NKAIN2: variants seen among roughly 807,000 people sequenced by gnomAD.
NKAIN2 encodes sodium/potassium transporting ATPase interacting 2.
A neutral mutation model predicts 32.6 loss-of-function variants in NKAIN2; 14 were observed. The observed-to-expected ratio is 0.43, with a 90% confidence interval of 0.28 to 0.67. The LOEUF (loss-of-function observed/expected upper bound fraction) is 0.67. Among genes scored for constraint, NKAIN2 ranks in the 30% least tolerant of loss-of-function variants. The pLI, the probability that NKAIN2 is intolerant of heterozygous loss-of-function variation, is 0.17. For synonymous variants in NKAIN2, 80 were observed against 87.2 expected (o/e 0.92, Z 0.46); for missense variants, 198 against 258.3 (o/e 0.77, Z 1.60).
intron 1 of NKAIN2, among the ~76,000 whole-genome samples, chr6:123,897,200 T>G (rs1479500263): frequency 6.6e-6 from 1 of 152,180 alleles, no homozygotes; most frequent in African/African-American, 2.4e-5. Context: ...AATTCTTCAG[T>G]GATCCCCATA....
chr6:124,541,570 C>G (rs1779913858), intron 3 of NKAIN2, among the ~76,000 whole-genome samples: 1 of 152,136 alleles, frequency 6.6e-6, no homozygotes, highest in Non-Finnish European at 1.5e-5. Context: ...GGTGTTAGAG[C>G]ATTGGCAAAT....
At chr6:124,722,487 T>G (rs1472358781) in intron 4 of NKAIN2, among the ~76,000 whole-genome samples, 1 of 152,162 alleles carries the variant, frequency 6.6e-6, no homozygotes, top group African/African-American at 2.4e-5. Context: ...GGGAATAGTT[T>G]GGGGATGCAA....
chr6:124,221,741 C>G (rs1379855439), intron 1 of NKAIN2, among the ~76,000 whole-genome samples: 1 of 152,026 alleles, frequency 6.6e-6, no homozygotes, highest in Non-Finnish European at 1.5e-5. Context: ...AATCATGCTT[C>G]CAACCTTATC....
At position 124,004,900 on chromosome 6, in the gene NKAIN2, TAA is replaced by T. The variant is rs61291413; in HGVS notation, c.54+200658_54+200659del. ...TAATAATAACAACAAAAAAAGAAAG[TAA>T]AAAAAAAAAAAGAATCTTCAGGTAA... On this transcript the variant is annotated intron_variant, in intron 1 of 6. Coordinates refer to ENST00000368417, the MANE Select transcript of NKAIN2 (RefSeq NM_001040214.3). 9.1e-4 allele frequency among the ~76,000 whole-genome samples: 126 copies of T among 138,548 alleles called. 1 individual carries two copies. The highest frequency in any genetic ancestry group is 2.2e-3 in the African/African-American group (84 of 38,534). The allele number at this position is 138,548 out of a possible 152,430, so 90.9% of individuals were successfully genotyped here. A position where few individuals can be genotyped will look rare whatever the true frequency, so the allele number is the denominator to read the frequency against.
At chr6:124,511,391 A>G (rs982092235) in intron 3 of NKAIN2, among the ~76,000 whole-genome samples, 1 of 152,208 alleles carries the variant, frequency 6.6e-6, no homozygotes, top group Non-Finnish European at 1.5e-5. Context: ...TTCTTCAAAT[A>G]GGAGAAGAAA....
intron 3 of NKAIN2, among the ~76,000 whole-genome samples, chr6:124,521,699 T>C (rs538502505): frequency 6.6e-6 from 1 of 152,282 alleles, no homozygotes; most frequent in East Asian, 1.9e-4. Flanking sequence ...ATGGTATGAG[T>C]TTACTCTTAT....
chr6:124,815,857 C>T (rs931244369), intron 5 of NKAIN2, among the ~76,000 whole-genome samples: 1 of 152,094 alleles, frequency 6.6e-6, no homozygotes, highest in African/African-American at 2.4e-5. Context: ...TCTTCTTTTA[C>T]ACCATATGTC....
At position 123,989,244 on chromosome 6, in the gene NKAIN2, G is replaced by A. The variant is rs762328783; in HGVS notation, c.54+184990G>A. On this transcript the variant is annotated intron_variant, in intron 1 of 6. Transcript: ENST00000368417. ...GGTAACAGATCCATTTTCAAATCAGGTGGTTTACAATTCTCTACTTTAAGC... is the reference window on the plus strand; with the variant it reads ...GGTAACAGATCCATTTTCAAATCAGATGGTTTACAATTCTCTACTTTAAGC... Among the ~76,000 whole-genome samples the A allele has an allele frequency of 6.4e-4, 97 of 152,112 alleles. 1 individual carries two copies. The highest frequency in any genetic ancestry group is 2.1e-3 in the South Asian group (10 of 4,830).
intron 3 of NKAIN2, among the ~76,000 whole-genome samples, chr6:124,519,146 C>T (rs184140393): frequency 2.0e-5 from 3 of 152,184 alleles, no homozygotes; most frequent in East Asian, 3.9e-4. Context: ...TCAGGAAACT[C>T]GTTCCATTTC....
chr6:124,624,729 G>C (rs565046058), intron 3 of NKAIN2, among the ~76,000 whole-genome samples: 1 of 152,220 alleles, frequency 6.6e-6, no homozygotes, highest in African/African-American at 2.4e-5. Context: ...AGAAGTTTAA[G>C]AACAAGATTA....
chr6:124,641,551 T>A (rs1783991000), intron 3 of NKAIN2, among the ~76,000 whole-genome samples: 1 of 113,386 alleles, frequency 8.8e-6, no homozygotes, highest in Non-Finnish European at 1.8e-5. Flanking sequence ...TTTTTTTTTT[T>A]TTTTTTTTTT....
intron 1 of NKAIN2, among the ~76,000 whole-genome samples, chr6:124,267,860 A>G (rs1427501008): frequency 6.6e-6 from 1 of 152,128 alleles, no homozygotes; most frequent in African/African-American, 2.4e-5. Context: ...TTGTCTATGA[A>G]TTTTTATGTG....
At chr6:124,048,066 G>A (rs1355643319) in intron 1 of NKAIN2, among the ~76,000 whole-genome samples, 2 of 151,868 alleles carry the variant, frequency 1.3e-5, no homozygotes, top group Non-Finnish European at 2.9e-5. Context: ...TATTTCTGTG[G>A]GATTAAACAT....
At chr6:124,199,401 T>C (rs909262188) in intron 1 of NKAIN2, among the ~76,000 whole-genome samples, 1 of 152,142 alleles carries the variant, frequency 6.6e-6, no homozygotes, top group African/African-American at 2.4e-5. Context: ...GGAATGCACA[T>C]TCAGTTTTCT....
intron 1 of NKAIN2, among the ~76,000 whole-genome samples, chr6:123,894,001 G>C (rs1774149780): frequency 6.6e-6 from 1 of 152,118 alleles, no homozygotes; most frequent in African/African-American, 2.4e-5. Context: ...TTAAACTCAA[G>C]TTTCTTCTGA....
chr6:124,660,122 G>A (rs1405862268), intron 4 of NKAIN2, among the ~76,000 whole-genome samples: 1 of 152,002 alleles, frequency 6.6e-6, no homozygotes, highest in African/African-American at 2.4e-5. Context: ...GTGATTTGGG[G>A]TCAGATAAAA....
At chr6:123,871,340 C>T (rs375575108) in intron 1 of NKAIN2, among the ~76,000 whole-genome samples, 4 of 152,100 alleles carry the variant, frequency 2.6e-5, no homozygotes, top group East Asian at 1.9e-4. Context: ...GTATAAATTT[C>T]GCTGAAATAT....
chr6:124,625,061 T>C (rs534155438), intron 3 of NKAIN2, among the ~76,000 whole-genome samples: 16 of 152,304 alleles, frequency 1.1e-4, no homozygotes, highest in Non-Finnish European at 2.2e-4. Flanking sequence ...AAATACTAAG[T>C]AGGAAGAACA....
rs772849914 is a variant in NKAIN2 at position 124,511,742 on chromosome 6, T to C, written c.274-146444T>C. 2.0e-5 allele frequency among the ~76,000 whole-genome samples: 3 copies of C among 152,142 alleles called. No individual in the cohort carries two copies. In the East Asian group the frequency reaches 5.8e-4, roughly 29 times the overall value. On this transcript the variant is annotated intron_variant, in intron 3 of 6. Coordinates refer to ENST00000368417, the MANE Select transcript of NKAIN2 (RefSeq NM_001040214.3). ...TTCATGTTCCAGGTGGAGGAAATAT[T>C]TGGGGTGACTAAGGGCTCATCTATC...
Sources: allele counts gnomAD v4.1 joint callset (sites outside exome capture counted in the v4.1 genomes callset), GRCh38; gene constraint gnomAD v4.1.1; transcripts MANE v1.5; gene names NCBI Gene and HGNC (gene_info 2026-07-23, HGNC 2026-07-21).